The following PHLPP1 variants were observed in gnomAD, a reference collection of about 807,000 sequenced individuals.
PHLPP1 encodes the protein PH domain leucine-rich repeat-containing protein phosphatase 1.
A neutral mutation model predicts 117.2 loss-of-function variants in PHLPP1; 42 were observed. The ratio of observed to expected loss-of-function variants is 0.36; its 90% confidence interval spans 0.28 to 0.46. The LOEUF is 0.46. Among genes scored for constraint, PHLPP1 ranks in the 20% least tolerant of loss-of-function variants. The pLI is 1.00. For missense variants in PHLPP1, 2,084 were observed against 2,241.9 expected, an observed-to-expected ratio of 0.93 and a Z score of 1.42; for synonymous variants, 1,042 against 970.7, an observed-to-expected ratio of 1.07 and a Z score of -1.37.
intron 12 of PHLPP1, 55 bp from the exon 13 acceptor site, chr18:62,958,574 C>T (rs1235139193): frequency 6.3e-7 from 1 of 1,592,890 alleles, no homozygotes; most frequent in Non-Finnish European, 8.6e-7. Context: ...TATAGAATTC[C>T]CTGAAGAGCT....
chr18:62,828,698 A>G lies in PHLPP1; in HGVS notation c.1577-1337A>G, dbSNP rs9957182. ...GAGCTGTTGTTCTTCCTGTTCCCTA[A>G]TAGGTTTTAGACATGTATCAAAACC... On this transcript the variant is annotated intron_variant, in intron 1 of 16. Coordinates refer to ENST00000262719, the MANE Select transcript of PHLPP1 (RefSeq NM_194449.4). 6.6e-4 allele frequency among the ~76,000 whole-genome samples: 100 copies of G among 152,272 alleles called. 1 individual carries two copies. The highest frequency in any genetic ancestry group is 3.4e-3 in the Middle Eastern group (1 of 294).
intron 8 of PHLPP1, among the ~76,000 whole-genome samples, chr18:62,913,486 C>T (rs1362469871): frequency 2.0e-5 from 3 of 152,062 alleles, no homozygotes; most frequent in Non-Finnish European, 2.9e-5. Flanking sequence ...AATTATTTTT[C>T]CTTTTGCTGT....
chr18:62,836,888 C>T (rs886470168), intron 2 of PHLPP1, among the ~76,000 whole-genome samples: 2 of 152,036 alleles, frequency 1.3e-5, no homozygotes, highest in African/African-American at 2.4e-5. Flanking sequence ...AATCGGAAGG[C>T]GGAGTTTGCA....
intron 1 of PHLPP1, among the ~76,000 whole-genome samples, chr18:62,792,062 G>A (rs1048703920): frequency 6.6e-5 from 10 of 151,820 alleles, no homozygotes; most frequent in African/African-American, 2.2e-4. Context: ...TATTATAAAT[G>A]TAAGCATATG....
At chr18:62,838,073 T>C (rs1321009257) in intron 2 of PHLPP1, 1 of 151,994 alleles carries the variant, frequency 6.6e-6, no homozygotes, top group Non-Finnish European at 1.5e-5. Flanking sequence ...AATATATATA[T>C]ATATAAATTT....
At chr18:62,945,615 C>A (rs1447641723) in intron 12 of PHLPP1, among the ~76,000 whole-genome samples, 1 of 152,132 alleles carries the variant, frequency 6.6e-6, no homozygotes, top group East Asian at 1.9e-4. Context: ...CAAAGGCTGA[C>A]GCTGGTGTAA....
chr18:62,720,671 G>T (rs1910888380), intron 1 of PHLPP1, among the ~76,000 whole-genome samples: 1 of 152,024 alleles, frequency 6.6e-6, no homozygotes, highest in African/African-American at 2.4e-5. Flanking sequence ...GTGTGTGCTT[G>T]AACAGTCCCT....
chr18:62,945,158 A>C lies in PHLPP1; in HGVS notation c.3211A>C (p.Lys1071Gln). The C allele has an allele frequency of 6.2e-7, 1 of 1,612,562 alleles. No homozygotes were observed. Among genetic ancestry groups the C allele is most frequent in the Non-Finnish European group, 8.5e-7 (1 of 1,179,388 alleles). Residue 1071 changes from lysine to glutamine, a missense_variant, in exon 12 of 17, where the codon AAG (lysine) becomes CAG (glutamine). Transcript: ENST00000262719. The stretch of plus-strand genomic sequence containing the variant: ...TGAAGAAATTGATCTCAGTGGGAAT[A>C]AGCTGAAAGCCATCCCAACAACGAT... ...ELEEIDLSGN[K>Q]LKAIPTTIMN...
intron 1 of PHLPP1, among the ~76,000 whole-genome samples, chr18:62,732,867 A>G (rs866706809): frequency 2.6e-5 from 4 of 152,206 alleles, no homozygotes; most frequent in Non-Finnish European, 5.9e-5. Flanking sequence ...TGGAAATAGC[A>G]AAAGAACTAC....
intron 10 of PHLPP1, among the ~76,000 whole-genome samples, chr18:62,925,990 G>T (rs1215829038): frequency 6.6e-6 from 1 of 152,108 alleles, no homozygotes; most frequent in African/African-American, 2.4e-5. Flanking sequence ...ATAAAAGAAG[G>T]ATTTTAATGG....
chr18:62,763,872 T>C (rs1912349543), intron 1 of PHLPP1, among the ~76,000 whole-genome samples: 2 of 151,838 alleles, frequency 1.3e-5, no homozygotes, highest in African/African-American at 2.4e-5. Context: ...GTTTCTGTCT[T>C]AAAAATCAAG....
At chr18:62,895,758 A>G (rs1916544907) in intron 5 of PHLPP1, 23 bp from the exon 6 acceptor site, 1 of 1,351,332 alleles carries the variant, frequency 7.4e-7, no homozygotes, top group Non-Finnish European at 1.1e-6. Context: ...TTCTCTTTGT[A>G]ATTCTTATGT....
intron 2 of PHLPP1, among the ~76,000 whole-genome samples, chr18:62,831,941 C>T (rs530592598): frequency 1.8e-3 from 280 of 152,246 alleles, no homozygotes; most frequent in African/African-American, 6.5e-3. Context: ...TAACTTTTGT[C>T]GGAGCATTGA....
intron 3 of PHLPP1, among the ~76,000 whole-genome samples, chr18:62,859,669 G>T (rs645525): frequency 0.29 from 43,752 of 151,940 alleles, 7,596 homozygotes; most frequent in Non-Finnish European, 0.38. Flanking sequence ...GCTTTTATAT[G>T]TTCAGTTTAG....
chr18:62,901,747 C>T (rs1230671954), intron 6 of PHLPP1, among the ~76,000 whole-genome samples: 1 of 151,870 alleles, frequency 6.6e-6, no homozygotes, highest in Non-Finnish European at 1.5e-5. Flanking sequence ...CCTCAGCTTC[C>T]CGAGTAGCTG....
At chr18:62,836,706 G>A (rs1398589682) in intron 2 of PHLPP1, among the ~76,000 whole-genome samples, 1 of 149,944 alleles carries the variant, frequency 6.7e-6, no homozygotes, top group African/African-American at 2.5e-5. Flanking sequence ...AAAGTTACCT[G>A]TAAAGCTATA....
chr18:62,864,017 A>G (rs150319664), intron 4 of PHLPP1, among the ~76,000 whole-genome samples: 346 of 150,690 alleles, frequency 2.3e-3, no homozygotes, highest in Non-Finnish European at 3.9e-3. Flanking sequence ...TTGTTTATTT[A>G]TTTTAATTAA....
At chr18:62,809,249 C>T (rs1049163140) in intron 1 of PHLPP1, among the ~76,000 whole-genome samples, 7 of 152,126 alleles carry the variant, frequency 4.6e-5, no homozygotes, top group Non-Finnish European at 8.8e-5. Context: ...AAGACAAGGC[C>T]TAAGTGGTAT....
chr18:62,870,323 C>T (rs914154378), intron 4 of PHLPP1, among the ~76,000 whole-genome samples: 1 of 152,140 alleles, frequency 6.6e-6, no homozygotes, highest in African/African-American at 2.4e-5. Context: ...TATATACCCC[C>T]CTCTTATATA....
Sources: allele counts gnomAD v4.1 joint callset (sites outside exome capture counted in the v4.1 genomes callset), GRCh38; gene constraint gnomAD v4.1.1; transcripts MANE v1.5; gene names NCBI Gene and HGNC (gene_info 2026-07-23, HGNC 2026-07-21).